The following ZFAT variants were observed in gnomAD, a reference collection of about 807,000 sequenced individuals.
The protein encoded by ZFAT is zinc finger protein ZFAT.
In ZFAT, 64 loss-of-function variants were observed where a neutral mutation model predicts 117.7. The observed-to-expected ratio is 0.54, with a 90% CI of 0.44 to 0.67. ZFAT has a LOEUF of 0.67. Among genes scored for constraint, ZFAT ranks in the 30% least tolerant of loss-of-function variants. The pLI, the probability that ZFAT is intolerant of heterozygous loss-of-function variation, is 0.00. For synonymous variants in ZFAT, 679 were observed against 615.0 expected (o/e 1.10, Z -1.54); for missense variants, 1,433 against 1,584.5 (o/e 0.90, Z 1.62).
At chr8:134,522,007 T>C (rs917689426) in intron 12 of ZFAT, among the ~76,000 whole-genome samples, 1 of 152,216 alleles carries the variant, frequency 6.6e-6, no homozygotes, top group African/African-American at 2.4e-5. Flanking sequence ...ACATGGTCTC[T>C]CCTCTATGCC....
At chr8:134,831,989 G>A in the ZFAT span, among the ~76,000 whole-genome samples, 3 of 149,898 alleles carry the variant, frequency 2.0e-5, no homozygotes, top group Non-Finnish European at 3.0e-5. Flanking sequence ...CACCTGGCCC[G>A]GGGTCGGGGG....
intron 12 of ZFAT, among the ~76,000 whole-genome samples, chr8:134,522,439 C>T (rs151208152): frequency 2.1e-4 from 32 of 152,378 alleles, no homozygotes; most frequent in African/African-American, 5.8e-4. Context: ...CCCACTCTGA[C>T]GACTATCGGC....
At chr8:134,670,790 T>A (rs1211482306) in intron 1 of ZFAT, among the ~76,000 whole-genome samples, 1 of 152,164 alleles carries the variant, frequency 6.6e-6, no homozygotes, top group African/African-American at 2.4e-5. Flanking sequence ...CAAAAAAACC[T>A]TCAAAAACTC....
At chr8:134,680,187 T>C (rs1436195345) in intron 1 of ZFAT, among the ~76,000 whole-genome samples, 1 of 145,250 alleles carries the variant, frequency 6.9e-6, no homozygotes, top group Non-Finnish European at 1.5e-5. Context: ...GCTTGAACCC[T>C]GGAGGCAGAG....
chr8:134,774,660 CA>C, the ZFAT span, among the ~76,000 whole-genome samples: 3 of 152,148 alleles, frequency 2.0e-5, no homozygotes, highest in Non-Finnish European at 2.9e-5. Flanking sequence ...ACTGGGAAAT[CA>C]AAAAACTTGA....
chr8:134,565,773 G>T (rs1824414543), intron 10 of ZFAT: 1 of 352,320 alleles, frequency 2.8e-6, no homozygotes, highest in Admixed American at 4.8e-5. Context: ...GACTGCAGGG[G>T]AATGGACCAC....
At chr8:134,651,684 A>G (rs927746936) in intron 2 of ZFAT, among the ~76,000 whole-genome samples, 2 of 152,208 alleles carry the variant, frequency 1.3e-5, no homozygotes, top group African/African-American at 4.8e-5. Flanking sequence ...GGACTAGCAA[A>G]TATTTAAGTC....
intron 1 of ZFAT, among the ~76,000 whole-genome samples, chr8:134,686,638 C>A (rs1375862170): frequency 6.6e-6 from 1 of 152,162 alleles, no homozygotes; most frequent in Non-Finnish European, 1.5e-5. Context: ...AGCTGTGTGA[C>A]CCTGCGCACA....
chr8:134,549,496 G>A (rs989565480), intron 11 of ZFAT, among the ~76,000 whole-genome samples: 1 of 151,602 alleles, frequency 6.6e-6, no homozygotes, highest in East Asian at 1.9e-4. Flanking sequence ...CATCCCCAGA[G>A]GCTGCTCAGT....
At chr8:134,647,998 A>T (rs1422726184) in intron 2 of ZFAT, among the ~76,000 whole-genome samples, 1 of 152,126 alleles carries the variant, frequency 6.6e-6, no homozygotes, top group Non-Finnish European at 1.5e-5. Context: ...ACACTGTATT[A>T]TATACTTAAA....
At chr8:134,725,346 T>C in the ZFAT span, among the ~76,000 whole-genome samples, 2 of 152,122 alleles carry the variant, frequency 1.3e-5, no homozygotes, top group African/African-American at 4.8e-5. Flanking sequence ...TGGCTCATGG[T>C]TCCACAGGCT....
chr8:134,670,161 T>C (rs1448050991), intron 1 of ZFAT, among the ~76,000 whole-genome samples: 3 of 152,214 alleles, frequency 2.0e-5, no homozygotes, highest in Admixed American at 2.0e-4. Context: ...TGGGAGACTG[T>C]AACACCCCAC....
At chr8:134,599,610 C>T in intron 7 of ZFAT, 1 of 375,388 alleles carries the variant, frequency 2.7e-6, no homozygotes, top group South Asian at 2.0e-5. Flanking sequence ...TGACTTTACC[C>T]TTAGTGACAA....
chr8:134,557,137 A>C (rs572647629), intron 11 of ZFAT, among the ~76,000 whole-genome samples: 1 of 152,324 alleles, frequency 6.6e-6, no homozygotes, highest in Non-Finnish European at 1.5e-5. Flanking sequence ...TTCATAAAAT[A>C]ATATAATATT....
At chr8:134,783,791 G>T in the ZFAT span, 1 of 152,174 alleles carries the variant, frequency 6.6e-6, no homozygotes, top group South Asian at 2.1e-4. Context: ...AGCAGGACAG[G>T]CTTCCAGTTG....
At chr8:134,804,945 C>G in the ZFAT span, 1 of 533,376 alleles carries the variant, frequency 1.9e-6, no homozygotes, top group Non-Finnish European at 3.9e-6. Context: ...TTTACAACAA[C>G]AGACTTTCTG....
intron 1 of ZFAT, among the ~76,000 whole-genome samples, chr8:134,662,939 T>C (rs1334633035): frequency 6.6e-6 from 1 of 152,226 alleles, no homozygotes; most frequent in African/African-American, 2.4e-5. Context: ...GGACCAGCCC[T>C]ATGCCCAAGA....
chr8:134,667,121 C>T (rs766309137), intron 1 of ZFAT, among the ~76,000 whole-genome samples: 23 of 152,126 alleles, frequency 1.5e-4, no homozygotes, highest in Non-Finnish European at 1.5e-5. Context: ...ACATCACACA[C>T]TGGGGCCTGT....
the ZFAT span, among the ~76,000 whole-genome samples, chr8:134,739,139 A>G: frequency 1.3e-5 from 2 of 152,184 alleles, no homozygotes; most frequent in African/African-American, 2.4e-5. Context: ...CTCAGAATGG[A>G]TAATGCCATA....
Sources: allele counts gnomAD v4.1 joint callset (sites outside exome capture counted in the v4.1 genomes callset), GRCh38; gene constraint gnomAD v4.1.1; transcripts MANE v1.5; gene names NCBI Gene and HGNC (gene_info 2026-07-23, HGNC 2026-07-21).